The following KDM6A variants were observed in gnomAD, a reference collection of about 807,000 sequenced individuals.
KDM6A encodes lysine demethylase 6A, also known as lysine-specific demethylase 6A.
A neutral mutation model predicts 117.6 loss-of-function variants in KDM6A; 11 were observed. The observed-to-expected ratio is 0.09, with a 90% CI of 0.06 to 0.15. The LOEUF (loss-of-function observed/expected upper bound fraction) is 0.15, where lower values mean the gene tolerates loss of function less well. Ranked by LOEUF, KDM6A falls within the 10% of genes least tolerant of loss-of-function variation. KDM6A has a pLI of 1.00. For missense variants in KDM6A, 799 were observed against 1,077.3 expected, an observed-to-expected ratio of 0.74 and a Z score of 3.62; for synonymous variants, 384 against 396.1, an observed-to-expected ratio of 0.97 and a Z score of 0.36.
rs770291454 is a variant in KDM6A, at chrX:45,044,150, A to G, written c.654+6461A>G. On this transcript the variant is annotated intron_variant, in intron 8 of 29. Coordinates refer to ENST00000611820, the MANE Select transcript of KDM6A (RefSeq NM_001291415.2). Reference sequence around the variant, plus strand: ...ATACTCTGATGTTTGCACAACGATGAAATTGTTAAGTGACACATGACTGTA... The same window carrying G: ...ATACTCTGATGTTTGCACAACGATGGAATTGTTAAGTGACACATGACTGTA... Among the ~76,000 whole-genome samples the G allele has an allele frequency of 3.6e-5, 4 of 112,369 alleles. No individual in the cohort carries two copies. In the East Asian group the frequency reaches 1.1e-3, roughly 31 times the overall value.
chrX:45,074,567 A>G (rs1424164443), intron 18 of KDM6A, among the ~76,000 whole-genome samples: 1 of 112,040 alleles, frequency 8.9e-6, no homozygotes, highest in Non-Finnish European at 1.9e-5. Flanking sequence ...ACAATAAGAA[A>G]CTGCTAGGTA....
chrX:44,900,773 G>A (rs934157044), intron 2 of KDM6A, among the ~76,000 whole-genome samples: 1 of 110,972 alleles, frequency 9.0e-6, no homozygotes, highest in Non-Finnish European at 1.9e-5. Context: ...GGCAGGAGCC[G>A]GTAATCCCAG....
intron 17 of KDM6A, among the ~76,000 whole-genome samples, chrX:45,067,625 C>T (rs2044584241): frequency 9.2e-6 from 1 of 108,145 alleles, no homozygotes; most frequent in Admixed American, 9.8e-5. Context: ...CACTCCTTTA[C>T]ACACTCACTG....
intron 2 of KDM6A, among the ~76,000 whole-genome samples, chrX:44,912,300 G>A (rs902461510): frequency 9.1e-6 from 1 of 110,427 alleles, no homozygotes; most frequent in African/African-American, 3.3e-5. Context: ...TGTTGGTCAG[G>A]CTGGTCTCGA....
At position 45,063,768 on chromosome X, in the gene KDM6A, C is replaced by G. The variant is rs1364809829; in HGVS notation, c.2030C>G (p.Thr677Ser). ...CTACCTCATAACCGCACAAACCTGA[C>G]CAGCAGCGCAGAGGAGCCGTGGAAA... The part of the protein sequence containing the change: ...LTLPHNRTNL[T>S]SSAEEPWKNQ... Residue 677 changes from threonine (T) to serine (S), a missense_variant, in exon 17 of 30, where the codon ACC (threonine) becomes AGC (serine). Transcript: ENST00000611820. 8.3e-7 allele frequency: 1 copy of G among 1,204,586 alleles called. No homozygotes were observed.
At chrX:44,971,337 T>A (rs1021315122) in intron 3 of KDM6A, among the ~76,000 whole-genome samples, 3 of 111,905 alleles carry the variant, frequency 2.7e-5, no homozygotes, top group African/African-American at 9.7e-5. Context: ...GCATCATCTT[T>A]ATGCAAAAAA....
intron 4 of KDM6A, among the ~76,000 whole-genome samples, chrX:44,995,338 A>G: frequency 9.0e-6 from 1 of 111,260 alleles, no homozygotes. Context: ...AAAATATGTC[A>G]TCTAATATTT....
At chrX:45,100,033 C>CAA (rs757228456) in intron 27 of KDM6A, among the ~76,000 whole-genome samples, 1 of 82,382 alleles carries the variant, frequency 1.2e-5, no homozygotes, top group Non-Finnish European at 2.4e-5. Context: ...GACTCTGTCT[C>CAA]AAAAAAAAAA....
rs895597184 is a variant in KDM6A, at chrX:45,059,237, C to G, written c.975-10C>G. On this transcript the variant is annotated splice_polypyrimidine_tract_variant and intron_variant, in intron 11 of 29. Transcript: ENST00000611820. ...GAGTTGACTTATTTTTTCTTAATTT[C>G]TCTTTCCAGTGTGCTATATCAGCAG... 3.3e-6 allele frequency: 4 copies of G among 1,206,588 alleles called. No individual in the cohort carries two copies. Among genetic ancestry groups the G allele is most frequent in the Non-Finnish European group, 4.5e-6 (4 of 891,501 alleles).
intron 3 of KDM6A, among the ~76,000 whole-genome samples, chrX:44,970,708 A>C (rs1488867993): frequency 8.9e-6 from 1 of 112,047 alleles, no homozygotes; most frequent in Admixed American, 9.5e-5. Flanking sequence ...TTTAGGTACA[A>C]GTATTAAATA....
intron 3 of KDM6A, among the ~76,000 whole-genome samples, chrX:44,964,215 C>T (rs973459268): frequency 3.7e-5 from 4 of 108,132 alleles, no homozygotes; most frequent in Non-Finnish European, 5.8e-5. Flanking sequence ...TTTGGGAGGC[C>T]TCGGTAGGTG....
chrX:45,015,334 T>C (rs1393221863), intron 5 of KDM6A, among the ~76,000 whole-genome samples: 2 of 110,760 alleles, frequency 1.8e-5, no homozygotes, highest in East Asian at 5.7e-4. Context: ...AGGCTGGTCT[T>C]GAACCCCTGG....
chrX:45,047,179 A>AT (rs1181485779), intron 8 of KDM6A, among the ~76,000 whole-genome samples: 2 of 106,666 alleles, frequency 1.9e-5, no homozygotes, highest in Non-Finnish European at 3.9e-5. Context: ...GTGCTCAGAT[A>AT]TTTTTTTTCT....
chrX:45,003,437 T>C (rs1290591668), intron 4 of KDM6A, among the ~76,000 whole-genome samples: 1 of 105,331 alleles, frequency 9.5e-6, no homozygotes, highest in Admixed American at 1.0e-4. Flanking sequence ...CCTCATACTT[T>C]CTTGTGTTAG....
At chrX:44,957,250 C>T (rs919957119) in intron 2 of KDM6A, among the ~76,000 whole-genome samples, 2 of 112,073 alleles carry the variant, frequency 1.8e-5, no homozygotes, top group African/African-American at 6.5e-5. Context: ...TCTGTATTTT[C>T]TCTACCATTT....
intron 5 of KDM6A, among the ~76,000 whole-genome samples, chrX:45,016,305 T>C (rs193128576): frequency 2.0e-4 from 22 of 111,765 alleles, no homozygotes; most frequent in African/African-American, 6.2e-4. Flanking sequence ...TGTGTATGTA[T>C]GTGTTATAAC....
chrX:44,879,091 A>G (rs961453535), intron 2 of KDM6A, among the ~76,000 whole-genome samples: 2 of 112,160 alleles, frequency 1.8e-5, no homozygotes, highest in Non-Finnish European at 1.9e-5. Context: ...GTGATAGGTC[A>G]TGCACTTTAA....
chrX:44,916,111 G>A (rs1222870420), intron 2 of KDM6A, among the ~76,000 whole-genome samples: 2 of 111,001 alleles, frequency 1.8e-5, no homozygotes, highest in African/African-American at 6.6e-5. Flanking sequence ...AGGCATGTAT[G>A]TATAGGAAAA....
At chrX:45,025,420 C>T (rs1190542024) in intron 6 of KDM6A, among the ~76,000 whole-genome samples, 3 of 112,327 alleles carry the variant, frequency 2.7e-5, no homozygotes, top group Admixed American at 9.4e-5. Flanking sequence ...GCCTCAGCCT[C>T]CCAAAGTGCT....
Sources: allele counts gnomAD v4.1 joint callset (sites outside exome capture counted in the v4.1 genomes callset), GRCh38; gene constraint gnomAD v4.1.1; transcripts MANE v1.5; gene names NCBI Gene and HGNC (gene_info 2026-07-23, HGNC 2026-07-21).